Variants in SERINC5 observed in about 807,000 individuals in gnomAD.
SERINC5 encodes chromosome 5 open reading frame 12.
In SERINC5, 41 loss-of-function variants were observed where a neutral mutation model predicts 63.1. The observed-to-expected ratio is 0.65, with a 90% CI of 0.51 to 0.84. The LOEUF (loss-of-function observed/expected upper bound fraction) is 0.84, where lower values mean the gene tolerates loss of function less well. Among genes scored for constraint, SERINC5 ranks in the 40% least tolerant of loss-of-function variants. The pLI is 0.00. For missense variants in SERINC5, 523 were observed against 573.0 expected (o/e 0.91, Z 0.89); for synonymous variants, 222 against 215.2 (o/e 1.03, Z -0.28).
intron 8 of SERINC5, among the ~76,000 whole-genome samples, chr5:80,156,276 A>C (rs1746513211): frequency 6.6e-6 from 1 of 152,098 alleles, no homozygotes; most frequent in South Asian, 2.1e-4. Flanking sequence ...CCAACCTTTC[A>C]TTCCTCTGAG....
downstream of SERINC5, among the ~76,000 whole-genome samples, chr5:80,137,395 C>T (rs1745248747): frequency 6.6e-6 from 1 of 151,858 alleles, no homozygotes; most frequent in Non-Finnish European, 1.5e-5. Context: ...AATCCCAGCA[C>T]TTTGGGAGGC....
At chr5:80,241,287 A>G (rs1437800983) in intron 1 of SERINC5, among the ~76,000 whole-genome samples, 4 of 151,842 alleles carry the variant, frequency 2.6e-5, no homozygotes, top group Non-Finnish European at 5.9e-5. Context: ...TGGCCAACAC[A>G]ATGAAACCCC....
chr5:80,166,821 T>TA (rs1747332606), intron 6 of SERINC5: 1 of 213,120 alleles, frequency 4.7e-6, no homozygotes, highest in African/African-American at 2.3e-5. Flanking sequence ...GAAAAAAAAT[T>TA]ACCATAGTTG....
chr5:80,173,563 T>A (rs183457534), intron 5 of SERINC5, among the ~76,000 whole-genome samples: 237 of 152,108 alleles, frequency 1.6e-3, no homozygotes, highest in African/African-American at 5.4e-3. Flanking sequence ...GCCACTGCAC[T>A]CCAGCCTGGG....
At chr5:80,133,533 G>C (rs1359339554) in intron 11 of SERINC5, among the ~76,000 whole-genome samples, 2 of 152,146 alleles carry the variant, frequency 1.3e-5, no homozygotes, top group Non-Finnish European at 2.9e-5. Context: ...AACTAAAGAG[G>C]GAAATGTTCA....
At position 80,169,352 on chromosome 5, in the gene SERINC5, G is replaced by T; in HGVS notation, c.746C>A (p.Ser249Ter). Residue 249 changes from serine (S) to a stop codon, truncating the protein, a stop_gained, in exon 6 of 12, where the codon TCA (serine) becomes TAA (stop). Transcript: ENST00000507668. LOFTEE classifies it high-confidence loss of function. ...LCLLISLVAISPWVQNRQPHS... is the reference protein window; with the variant it reads ...LCLLISLVAI ...ATGCTTACGATTTTGGACCCAGGGT[G>T]AGATGGCTACCAATGATATAAGCAG... is the stretch of plus-strand genomic sequence containing the variant. 1 of 1,613,864 alleles carries T rather than the reference G, an allele frequency of 6.2e-7. No individual in the cohort carries two copies.
chr5:80,167,836 G>A (rs570849548), intron 6 of SERINC5, among the ~76,000 whole-genome samples: 3 of 152,064 alleles, frequency 2.0e-5, no homozygotes, highest in Admixed American at 1.3e-4. Context: ...CGAAATTTTC[G>A]ACCACTTGCC....
At position 80,249,451 on chromosome 5, in the gene SERINC5, C is replaced by T. The variant is rs573899294; in HGVS notation, c.27+6445G>A. Among the ~76,000 whole-genome samples, 255 of 152,092 alleles carry T rather than the reference C, an allele frequency of 1.7e-3. 6 individuals carry two copies. In the South Asian group the frequency reaches 0.051, roughly 30 times the overall value. ...CTTTATCAGTCACCTCATAATTATG[C>T]AAAAAGAGTGGGATCAAATACAGCA... On this transcript the variant is annotated intron_variant, in intron 1 of 11. Transcript: ENST00000507668.
At chr5:80,160,628 C>T (rs545010730) in intron 7 of SERINC5, among the ~76,000 whole-genome samples, 6 of 152,214 alleles carry the variant, frequency 3.9e-5, no homozygotes, top group African/African-American at 1.2e-4. Context: ...GAAGTCTTGG[C>T]TTTTAGTGTA....
At chr5:80,193,889 T>C (rs924023185) in intron 2 of SERINC5, among the ~76,000 whole-genome samples, 4 of 152,142 alleles carry the variant, frequency 2.6e-5, no homozygotes, top group Admixed American at 6.5e-5. Flanking sequence ...TTTGGAAACA[T>C]ATGTCTCCAG....
chr5:80,150,743 A>G (rs1746124902), intron 9 of SERINC5, 139 bp downstream of exon 9: 1 of 701,578 alleles, frequency 1.4e-6, no homozygotes, highest in Admixed American at 2.3e-5. Context: ...GCCAGCATTT[A>G]TTTTTCTATA....
downstream of SERINC5, among the ~76,000 whole-genome samples, chr5:80,136,213 T>C (rs1183098450): frequency 1.3e-5 from 2 of 151,576 alleles, no homozygotes; most frequent in African/African-American, 4.9e-5. Flanking sequence ...AGCTCAGGAG[T>C]TGGAGGCTGC....
intron 11 of SERINC5, among the ~76,000 whole-genome samples, chr5:80,120,842 T>G (rs1174139110): frequency 1.3e-5 from 2 of 152,156 alleles, no homozygotes; most frequent in Non-Finnish European, 2.9e-5. Context: ...TGCATTGCTA[T>G]AAAGAAATAC....
At chr5:80,230,785 C>T (rs1561443539) in intron 1 of SERINC5, among the ~76,000 whole-genome samples, 1 of 147,800 alleles carries the variant, frequency 6.8e-6, no homozygotes, top group Non-Finnish European at 1.5e-5. Flanking sequence ...TTCTCTCTTT[C>T]TTTCTTTCTT....
At chr5:80,208,996 C>A (rs777553915) in intron 1 of SERINC5, among the ~76,000 whole-genome samples, 3 of 152,174 alleles carry the variant, frequency 2.0e-5, no homozygotes, top group Non-Finnish European at 4.4e-5. Context: ...TTAGACCAGG[C>A]GCGGTGGATC....
intron 11 of SERINC5, among the ~76,000 whole-genome samples, chr5:80,118,957 T>C (rs1051218977): frequency 6.6e-6 from 1 of 152,150 alleles, no homozygotes; most frequent in East Asian, 1.9e-4. Flanking sequence ...TGGGGAGATA[T>C]AAATATTCAG....
chr5:80,162,429 A>C (rs1250569167), intron 7 of SERINC5, among the ~76,000 whole-genome samples: 1 of 152,126 alleles, frequency 6.6e-6, no homozygotes. Flanking sequence ...TCTGGAGTAC[A>C]GTGGCCTGAT....
At chr5:80,188,902 T>C (rs1171862674) in intron 2 of SERINC5, among the ~76,000 whole-genome samples, 1 of 152,126 alleles carries the variant, frequency 6.6e-6, no homozygotes, top group Non-Finnish European at 1.5e-5. Flanking sequence ...CACTGCAGCC[T>C]AGCCAACACA....
At chr5:80,218,124 G>A (rs1750748376) in intron 1 of SERINC5, among the ~76,000 whole-genome samples, 1 of 152,200 alleles carries the variant, frequency 6.6e-6, no homozygotes, top group Admixed American at 6.5e-5. Context: ...CAAATGCTCT[G>A]CTGATCCTAG....
Sources: gnomAD v4.1 joint callset for allele counts (sites outside exome capture counted in the v4.1 genomes callset) on GRCh38, gnomAD v4.1.1 for gene constraint, MANE v1.5 for transcripts, NCBI Gene and HGNC (gene_info 2026-07-23, HGNC 2026-07-21) for gene names.